The following PHLPP1 variants were observed in gnomAD, a reference collection of about 807,000 sequenced individuals.
The protein encoded by PHLPP1 is PH domain and leucine rich repeat protein phosphatase 1.
In PHLPP1, 42 loss-of-function variants were observed where a neutral mutation model predicts 117.2. The ratio of observed to expected loss-of-function variants is 0.36; its 90% CI spans 0.28 to 0.46. The LOEUF (loss-of-function observed/expected upper bound fraction) is 0.46. PHLPP1 is among the 20% of genes least tolerant of loss of function. The pLI is 1.00. For missense variants in PHLPP1, 2,084 were observed against 2,241.9 expected (o/e 0.93, Z 1.42); for synonymous variants, 1,042 against 970.7 (o/e 1.07, Z -1.37).
intron 1 of PHLPP1, among the ~76,000 whole-genome samples, chr18:62,801,352 T>C (rs1913777089): frequency 6.6e-6 from 1 of 151,856 alleles, no homozygotes; most frequent in Non-Finnish European, 1.5e-5. Context: ...TGCTAATTTC[T>C]AATTAATTGT....
intron 10 of PHLPP1, among the ~76,000 whole-genome samples, chr18:62,929,560 G>T (rs522505): frequency 0.47 from 71,660 of 151,822 alleles, 17,034 homozygotes; most frequent in Middle Eastern, 0.57. Context: ...AGGAATGATA[G>T]TGAGCATTTT....
intron 4 of PHLPP1, among the ~76,000 whole-genome samples, chr18:62,879,581 G>A (rs1467926357): frequency 6.6e-6 from 1 of 151,928 alleles, no homozygotes; most frequent in Non-Finnish European, 1.5e-5. Flanking sequence ...TGGGCTAATT[G>A]TTTGTATTTT....
At chr18:62,920,220 G>A (rs1160534579) in intron 10 of PHLPP1, 106 bp downstream of exon 10, 7 of 1,085,402 alleles carry the variant, frequency 6.4e-6, no homozygotes, top group Admixed American at 2.6e-5. Context: ...GTATGTATCT[G>A]TCCCAGATTT....
chr18:62,771,664 G>A (rs1186767121), intron 1 of PHLPP1, among the ~76,000 whole-genome samples: 1 of 152,236 alleles, frequency 6.6e-6, no homozygotes, highest in African/African-American at 2.4e-5. Flanking sequence ...GGGTCCTCTA[G>A]TTATGAGGAG....
Position 62,978,945 on chromosome 18 carries a change from C to T in PHLPP1, c.4668C>T (p.Val1556=). 1 of 1,610,238 alleles carries T rather than the reference C, an allele frequency of 6.2e-7. No individual in the cohort carries two copies. The highest frequency in any genetic ancestry group is 8.5e-7 in the Non-Finnish European group (1 of 1,178,328). Residue 1556 remains valine, a synonymous_variant, in exon 17 of 17, where the codon GTC becomes GTT. Transcript: ENST00000262719. The surrounding 1 kb of genome is among the most constrained non-coding windows in gnomAD (Gnocchi z 7.0). ...ACGATGAGGAGCCCATCGAGGGCGT[C>T]TTCACCAACGGCAGCCGGGTGGAGG... ...DSDDEEPIEG[V]FTNGSRVEVE...
At chr18:62,889,462 A>C (rs1204036461) in intron 4 of PHLPP1, 3 of 152,232 alleles carry the variant, frequency 2.0e-5, no homozygotes, top group African/African-American at 7.2e-5. Flanking sequence ...TCCTGGAAAC[A>C]CAGATTCCAA....
In PHLPP1 at chr18:62,979,115, C is replaced by G; in HGVS notation, c.4838C>G (p.Ser1613Cys). 1 of 1,613,948 alleles carries G rather than the reference C, an allele frequency of 6.2e-7. No homozygotes were observed. The highest frequency in any genetic ancestry group is 1.1e-5 in the South Asian group (1 of 91,070). Residue 1613 changes from serine to cysteine, a missense_variant, in exon 17 of 17, where the codon TCT becomes TGT. Physicochemically the swap from Ser to Cys is moderately radical, Grantham distance 112 (BLOSUM62 -1). Around this residue, in one of 2 missense-constraint regions of PHLPP1, gnomAD observed 1,365 missense variants for 1,605.9 expected, o/e 0.85. Transcript: ENST00000262719. ...EPGLPRKADF[S>C]AVGTIGRRRA... is the part of the protein sequence containing the mutation. ...GGTCTGCCCAGGAAGGCAGACTTCT[C>G]TGCCGTTGGGACCATTGGGCGCCGG... is the stretch of plus-strand genomic sequence containing the variant.
chr18:62,976,569 A>ATTAGACTGTCTTCTGCTCCC (rs1375858768), intron 16 of PHLPP1, among the ~76,000 whole-genome samples: 13 of 152,234 alleles, frequency 8.5e-5, no homozygotes, highest in Admixed American at 5.9e-4. Context: ...TTCTGTACAC[A>ATTAGACTGTCTTCTGCTCCC]TTAGACTGTC....
intron 1 of PHLPP1, among the ~76,000 whole-genome samples, chr18:62,828,462 C>T (rs1216251294): frequency 6.6e-6 from 1 of 152,190 alleles, no homozygotes; most frequent in East Asian, 1.9e-4. Context: ...TGCTGGGCAC[C>T]TGGTTCAAGT....
chr18:62,749,173 C>T lies in PHLPP1; in HGVS notation c.1576+31914C>T, dbSNP rs61449941. Among the ~76,000 whole-genome samples, 1,020 of 150,906 alleles carry T rather than the reference C, an allele frequency of 6.8e-3. 14 individuals carry two copies. Among genetic ancestry groups the T allele is most frequent in the African/African-American group, 0.023 (964 of 41,146 alleles). On this transcript the variant is annotated intron_variant, in intron 1 of 16. Coordinates refer to ENST00000262719, the MANE Select transcript of PHLPP1 (RefSeq NM_194449.4). ...TTTTACATAATTATTATTATTTGGT[C>T]GGCACATGTTCAGATTTACCCAAAG...
At chr18:62,844,444 T>C (rs1241607255) in intron 3 of PHLPP1, among the ~76,000 whole-genome samples, 1 of 152,108 alleles carries the variant, frequency 6.6e-6, no homozygotes, top group African/African-American at 2.4e-5. Flanking sequence ...TTTTTCTTAC[T>C]CTTTATTACA....
At chr18:62,928,191 T>C (rs1291531126) in intron 10 of PHLPP1, among the ~76,000 whole-genome samples, 1 of 152,064 alleles carries the variant, frequency 6.6e-6, no homozygotes, top group East Asian at 1.9e-4. Flanking sequence ...ACTAAAAAAA[T>C]AGATAAATTG....
intron 12 of PHLPP1, among the ~76,000 whole-genome samples, chr18:62,954,741 G>A (rs1197551064): frequency 6.6e-6 from 1 of 152,298 alleles, no homozygotes; most frequent in Admixed American, 6.5e-5. Flanking sequence ...TATTTAAAAT[G>A]TATTAAAATT....
At chr18:62,781,515 C>G (rs1320610439) in intron 1 of PHLPP1, among the ~76,000 whole-genome samples, 1 of 152,170 alleles carries the variant, frequency 6.6e-6, no homozygotes, top group African/African-American at 2.4e-5. Flanking sequence ...GCCCTGGTGA[C>G]CTGTTGCTGC....
intron 4 of PHLPP1, among the ~76,000 whole-genome samples, chr18:62,876,104 A>G (rs976370094): frequency 6.6e-6 from 1 of 152,174 alleles, no homozygotes; most frequent in Admixed American, 6.6e-5. Context: ...AAGTATGATA[A>G]AAGACAATAT....
intron 11 of PHLPP1, among the ~76,000 whole-genome samples, chr18:62,943,019 C>T (rs1910173370): frequency 6.6e-6 from 1 of 152,000 alleles, no homozygotes; most frequent in Non-Finnish European, 1.5e-5. Flanking sequence ...TGGAAAAAAC[C>T]ATGATAATCA....
At chr18:62,898,450 A>G (rs1282520055) in intron 6 of PHLPP1, among the ~76,000 whole-genome samples, 1 of 151,994 alleles carries the variant, frequency 6.6e-6, no homozygotes, top group Non-Finnish European at 1.5e-5. Flanking sequence ...GTTGTCTTCT[A>G]CCTGAGCCAT....
intron 4 of PHLPP1, among the ~76,000 whole-genome samples, chr18:62,872,556 G>A (rs1301871230): frequency 6.6e-6 from 1 of 151,578 alleles, no homozygotes; most frequent in African/African-American, 2.4e-5. Context: ...AGCCAGTGTG[G>A]TGGTGGGTGC....
rs1909364570 is a variant in PHLPP1, at chr18:62,918,429, A to ATATATATATAT, written c.2805-1530_2805-1529insTATATATATAT. Reference sequence around the variant, plus strand: ...TTAGTTATTTATGTGGTAAAGGATAAATATATATATATATATATGATGAAC... The same window carrying ATATATATATAT: ...TTAGTTATTTATGTGGTAAAGGATAATATATATATATATATATATATATATATATGATGAAC... On this transcript the variant is annotated intron_variant, in intron 9 of 16. Coordinates refer to ENST00000262719, the MANE Select transcript of PHLPP1 (RefSeq NM_194449.4). Among the ~76,000 whole-genome samples, 7 of 140,458 alleles carry ATATATATATAT rather than the reference A, an allele frequency of 5.0e-5. No individual in the cohort carries two copies. The Admixed American group carries it at 5.1e-4, about 10-fold the overall frequency. 92.1% of individuals were successfully genotyped at this position (140,458 alleles called of 152,430 possible).
Sources: gnomAD v4.1 joint callset for allele counts (sites outside exome capture counted in the v4.1 genomes callset) on GRCh38, gnomAD v4.1.1 for gene constraint, gnomAD v4.1.1 regional missense constraint, Gnocchi (gnomAD v3.1) non-coding constraint, MANE v1.5 for transcripts, NCBI Gene and HGNC (gene_info 2026-07-23, HGNC 2026-07-21) for gene names.